IGF2BP1: variants seen among roughly 807,000 people sequenced by gnomAD.
The protein encoded by IGF2BP1 is insulin like growth factor 2 mRNA binding protein 1.
In IGF2BP1, 11 loss-of-function variants were observed where a neutral mutation model predicts 74.9. The observed-to-expected ratio is 0.15, with a 90% CI of 0.09 to 0.24. The LOEUF is 0.24. Ranked by LOEUF, IGF2BP1 falls within the 10% of genes least tolerant of loss-of-function variation. The pLI, the probability that IGF2BP1 is intolerant of heterozygous loss-of-function variation, is 1.00. For missense variants in IGF2BP1, 440 were observed against 757.4 expected (o/e 0.58, Z 4.92); for synonymous variants, 287 against 281.8 (o/e 1.02, Z -0.18).
At chr17:49,042,033 G>A (rs1035264318) in intron 8 of IGF2BP1, among the ~76,000 whole-genome samples, 1 of 152,228 alleles carries the variant, frequency 6.6e-6, no homozygotes, top group Non-Finnish European at 1.5e-5. Flanking sequence ...AGGAGTTTGA[G>A]TTAGGTGTTG....
chr17:49,051,679 G>A lies in IGF2BP1; in HGVS notation c.*2235G>A, dbSNP rs1028641689. The A allele has an allele frequency of 5.9e-5, 9 of 151,980 alleles. No individual in the cohort carries two copies. Among genetic ancestry groups the A allele is most frequent in the Admixed American group, 6.6e-5 (1 of 15,234 alleles). 9.4% of individuals were successfully genotyped at this position (151,980 alleles called of 1,614,324 possible). A position where few individuals can be genotyped will look rare whatever the true frequency, so the allele number is the denominator to read the frequency against. ...TAAAATATTGCCTCCGTTTTATCGA[G>A]GAGAGAAATAATAACTAAAAAATAT... On this transcript the variant is annotated 3_prime_UTR_variant, in exon 15 of 15. Transcript: ENST00000290341.
At chr17:49,014,302 C>T (rs1300979888) in intron 2 of IGF2BP1, among the ~76,000 whole-genome samples, 1 of 138,618 alleles carries the variant, frequency 7.2e-6, no homozygotes, top group Non-Finnish European at 1.6e-5. Context: ...CCGTCCCCCT[C>T]TGTCTCCCCC....
intron 2 of IGF2BP1, among the ~76,000 whole-genome samples, chr17:49,020,008 A>T (rs1364507131): frequency 9.7e-6 from 1 of 102,606 alleles, no homozygotes; most frequent in African/African-American, 4.4e-5. Context: ...ACACACACAC[A>T]CATATATATA....
chr17:49,036,285 G>C (rs1370194708), intron 5 of IGF2BP1: 1 of 152,194 alleles, frequency 6.6e-6, no homozygotes, highest in Admixed American at 6.5e-5. Context: ...TGTGGCCCCA[G>C]AGCCAAGTGG....
intron 2 of IGF2BP1, among the ~76,000 whole-genome samples, chr17:49,010,908 A>G (rs1230902612): frequency 6.6e-6 from 1 of 151,902 alleles, no homozygotes; most frequent in Non-Finnish European, 1.5e-5. Flanking sequence ...AGGCAGAAAA[A>G]ATAGAGGAAT....
intron 14 of IGF2BP1, among the ~76,000 whole-genome samples, chr17:49,046,646 A>G (rs1432503322): frequency 2.0e-5 from 3 of 149,164 alleles, no homozygotes; most frequent in African/African-American, 7.3e-5. Context: ...TAACATATAT[A>G]TGAATATATA....
chr17:49,046,125 C>A, intron 13 of IGF2BP1, 104 bp downstream of exon 13: 2 of 1,488,010 alleles, frequency 1.3e-6, no homozygotes, highest in Non-Finnish European at 1.8e-6. Flanking sequence ...CTGATTTGCT[C>A]ATTTACTTGA....
chr17:49,047,176 G>C (rs1301796551), intron 14 of IGF2BP1, among the ~76,000 whole-genome samples: 1 of 152,086 alleles, frequency 6.6e-6, no homozygotes, highest in African/African-American at 2.4e-5. Context: ...TGCCCATATA[G>C]TATAGCATCA....
chr17:49,015,739 C>T (rs932769529), intron 2 of IGF2BP1, among the ~76,000 whole-genome samples: 1 of 152,172 alleles, frequency 6.6e-6, no homozygotes, highest in African/African-American at 2.4e-5. Context: ...TGGAATTTGT[C>T]TGGAAAGAGC....
rs1230215059 is a variant in IGF2BP1 at position 48,997,984 on chromosome 17, C to T, written c.175+64C>T. ...AGCCCCGAACAACGGAGACCCGCACCTTCCGGTTCCTCTCCCGCCAACTCC... is the reference window on the plus strand; with the variant it reads ...AGCCCCGAACAACGGAGACCCGCACTTTCCGGTTCCTCTCCCGCCAACTCC... On this transcript the variant is annotated intron_variant, in intron 1 of 14. Coordinates refer to ENST00000290341, the MANE Select transcript of IGF2BP1 (RefSeq NM_006546.4). This position sits in a 1 kb window ranked among gnomAD's most constrained non-coding sequence, Gnocchi z 4.8. 2 of 1,544,854 alleles carry T rather than the reference C, an allele frequency of 1.3e-6. No individual in the cohort carries two copies. The highest frequency in any genetic ancestry group is 1.4e-5 in the African/African-American group (1 of 73,100).
At position 49,041,044 on chromosome 17, in the gene IGF2BP1, C is replaced by T. The variant is rs141316995; in HGVS notation, c.819-334C>T. Among the ~76,000 whole-genome samples, 409 of 152,116 alleles carry T rather than the reference C, an allele frequency of 2.7e-3. 2 individuals are homozygous for T. The highest frequency in any genetic ancestry group is 9.0e-3 in the African/African-American group (375 of 41,494). On this transcript the variant is annotated intron_variant, in intron 7 of 14. Coordinates refer to ENST00000290341, the MANE Select transcript of IGF2BP1 (RefSeq NM_006546.4). The stretch of plus-strand genomic sequence containing the variant: ...AAATAGAAAAATCAGCTGGACGTGG[C>T]GGCCTGTGCGTATAGTCCCAGCTAC...
In IGF2BP1 at chr17:49,039,816, T is replaced by C. The variant is rs1175270396; in HGVS notation, c.684-141T>C. The C allele has an allele frequency of 1.5e-5, 13 of 866,756 alleles. No homozygotes were observed. The Admixed American group carries it at 2.3e-4, about 15-fold the overall frequency. 53.7% of individuals were successfully genotyped at this position (866,756 alleles called of 1,614,324 possible). A position where few individuals can be genotyped will look rare whatever the true frequency, so the allele number is the denominator to read the frequency against. ...TATTTCTCCAGTCCTTTCATTGCCCTTCCCAAAGTTGTACTTGATTGTCCT... is the reference window on the plus strand; with the variant it reads ...TATTTCTCCAGTCCTTTCATTGCCCCTCCCAAAGTTGTACTTGATTGTCCT... On this transcript the variant is annotated intron_variant, in intron 6 of 14. Transcript: ENST00000290341.
intron 2 of IGF2BP1, among the ~76,000 whole-genome samples, chr17:49,014,389 C>T (rs1409250939): frequency 1.3e-5 from 2 of 151,580 alleles, no homozygotes; most frequent in Non-Finnish European, 2.9e-5. Context: ...CCGCGAGGGG[C>T]CGTGTTCACC....
At position 49,053,679 on chromosome 17, in the gene IGF2BP1, C is replaced by T. The variant is rs1230968429; in HGVS notation, c.*4235C>T. On this transcript the variant is annotated 3_prime_UTR_variant, in exon 15 of 15. Transcript: ENST00000290341. ...TCCCCTCCTCCCAACCCAGACATAC[C>T]CTCTGCCAAACTGGGAACCAGCAGT... 1.3e-5 allele frequency: 2 copies of T among 152,742 alleles called. No individual in the cohort carries two copies. The highest frequency in any genetic ancestry group is 4.8e-5 in the African/African-American group (2 of 41,452). 9.5% of individuals were successfully genotyped at this position (152,742 alleles called of 1,614,324 possible).
Position 49,004,094 on chromosome 17 carries a change from C to G in IGF2BP1, c.236+4925C>G, listed in dbSNP as rs528855742. On this transcript the variant is annotated intron_variant, in intron 2 of 14. Transcript: ENST00000290341. Reference sequence around the variant, plus strand: ...CCCGCGCCAGTCCCAGCCCGGCAATCTCGTCTCGCTCTGAGGTGGGGCCGC... The same window carrying G: ...CCCGCGCCAGTCCCAGCCCGGCAATGTCGTCTCGCTCTGAGGTGGGGCCGC... 8.7e-3 allele frequency among the ~76,000 whole-genome samples: 1,317 copies of G among 152,252 alleles called. 11 individuals carry two copies. Among genetic ancestry groups the G allele is most frequent in the Non-Finnish European group, 0.014 (943 of 68,000 alleles).
intron 2 of IGF2BP1, among the ~76,000 whole-genome samples, chr17:49,013,200 A>C (rs2041642867): frequency 6.7e-6 from 1 of 149,980 alleles, no homozygotes; most frequent in African/African-American, 2.5e-5. Context: ...GACACCCCAA[A>C]AGGGCTGAAA....
At chr17:49,030,141 CTTTTTTTTTT>C (rs35530909) in intron 4 of IGF2BP1, among the ~76,000 whole-genome samples, 2 of 120,774 alleles carry the variant, frequency 1.7e-5, no homozygotes, top group Non-Finnish European at 3.4e-5. Flanking sequence ...TTTAGCTGGA[CTTTTTTTTTT>C]TTTTTTTTGA....
intron 1 of IGF2BP1, among the ~76,000 whole-genome samples, chr17:48,998,560 G>A (rs1406413243): frequency 6.6e-6 from 1 of 152,172 alleles, no homozygotes; most frequent in Non-Finnish European, 1.5e-5. Context: ...GCCGAGGCTG[G>A]GCCGAGAGGC....
At chr17:49,042,085 G>A (rs1429386584) in intron 8 of IGF2BP1, among the ~76,000 whole-genome samples, 157 bp from the exon 9 acceptor site, 1 of 152,158 alleles carries the variant, frequency 6.6e-6, no homozygotes, top group Non-Finnish European at 1.5e-5. Context: ...TTACAAACTG[G>A]GAACACCAAA....
Sources: allele counts gnomAD v4.1 joint callset (sites outside exome capture counted in the v4.1 genomes callset), GRCh38; gene constraint gnomAD v4.1.1; non-coding constraint Gnocchi (gnomAD v3.1); transcripts MANE v1.5; gene names NCBI Gene and HGNC (gene_info 2026-07-23, HGNC 2026-07-21).